CTNNA2: variants seen among roughly 807,000 people sequenced by gnomAD.
The protein encoded by CTNNA2 is catenin alpha 2, also known as catenin alpha-2.
In CTNNA2, 42 loss-of-function variants were observed where a neutral mutation model predicts 101.0. The observed-to-expected ratio is 0.42, with a 90% CI of 0.32 to 0.54. The LOEUF (loss-of-function observed/expected upper bound fraction) is 0.54, where lower values mean the gene tolerates loss of function less well. Among genes scored for constraint, CTNNA2 ranks in the 20% least tolerant of loss-of-function variants. CTNNA2 has a pLI of 0.14. For missense variants in CTNNA2, 871 were observed against 1,223.1 expected (o/e 0.71, Z 4.29); for synonymous variants, 450 against 456.4 (o/e 0.99, Z 0.18).
At chr2:79,190,696 G>T (rs971403808) in intron 1 of CTNNA2, among the ~76,000 whole-genome samples, 9 of 152,206 alleles carry the variant, frequency 5.9e-5, no homozygotes, top group African/African-American at 2.2e-4. Flanking sequence ...GCTTGACGGG[G>T]CACCAGTGAG....
At chr2:80,351,549 A>C (rs1199333194) in intron 7 of CTNNA2, among the ~76,000 whole-genome samples, 1 of 152,154 alleles carries the variant, frequency 6.6e-6, no homozygotes, top group Non-Finnish European at 1.5e-5. Context: ...TTTTTAGAGC[A>C]ATCAGTTTAA....
chr2:80,230,030 T>A (rs1709103459), intron 7 of CTNNA2, among the ~76,000 whole-genome samples: 1 of 152,106 alleles, frequency 6.6e-6, no homozygotes, highest in African/African-American at 2.4e-5. Context: ...TGCCTACAAT[T>A]TTCAGTTGAA....
At chr2:79,563,437 T>A (rs1558733169) in intron 1 of CTNNA2, among the ~76,000 whole-genome samples, 1 of 152,012 alleles carries the variant, frequency 6.6e-6, no homozygotes, top group Non-Finnish European at 1.5e-5. Context: ...AGTTAGTTGT[T>A]TCTCTTTCAG....
chr2:79,583,630 T>G lies in CTNNA2; in HGVS notation c.-5-67922T>G, dbSNP rs1676285513. ...TGTTTTCCAGGGTGGCTATGTCATT[T>G]TGCATCTCCAAAGCCATATACGATC... On this transcript the variant is annotated intron_variant, in intron 1 of 18. Coordinates refer to ENST00000402739, the MANE Select transcript of CTNNA2 (RefSeq NM_001282597.3). Among the ~76,000 whole-genome samples the G allele has an allele frequency of 2.0e-5, 3 of 152,164 alleles. No homozygotes were observed. In the South Asian group the frequency reaches 6.2e-4, roughly 32 times the overall value.
chr2:80,259,055 C>T (rs1231758294), intron 7 of CTNNA2, among the ~76,000 whole-genome samples: 2 of 152,084 alleles, frequency 1.3e-5, no homozygotes, highest in Admixed American at 1.3e-4. Flanking sequence ...GTTTCTGAAA[C>T]CCTGTCCCAG....
At chr2:79,242,987 T>TACAC (rs1409038168) in intron 2 of CTNNA2, among the ~76,000 whole-genome samples, 1 of 54,400 alleles carries the variant, frequency 1.8e-5, no homozygotes, top group Non-Finnish European at 4.7e-5. Flanking sequence ...TATATATATA[T>TACAC]ATATATACAC....
chr2:80,210,062 G>A (rs1707789856), intron 7 of CTNNA2, among the ~76,000 whole-genome samples: 1 of 152,114 alleles, frequency 6.6e-6, no homozygotes, highest in South Asian at 2.1e-4. Context: ...TAGGATCCTA[G>A]TCATATATGT....
intron 1 of CTNNA2, among the ~76,000 whole-genome samples, chr2:79,600,570 T>C (rs1677487250): frequency 6.6e-6 from 1 of 152,162 alleles, no homozygotes; most frequent in Admixed American, 6.5e-5. Flanking sequence ...TATAAATGTA[T>C]AAATTATGTT....
chr2:80,488,369 C>T (rs988219443), intron 9 of CTNNA2, among the ~76,000 whole-genome samples: 3 of 151,976 alleles, frequency 2.0e-5, no homozygotes, highest in African/African-American at 7.3e-5. Context: ...TTCACTAGCA[C>T]TTCTATTTGG....
chr2:80,052,544 G>A lies in CTNNA2; in HGVS notation c.1056+142747G>A, dbSNP rs79196517. On this transcript the variant is annotated intron_variant, in intron 7 of 18. Coordinates refer to ENST00000402739, the MANE Select transcript of CTNNA2 (RefSeq NM_001282597.3). ...GCCAGTTGAAATTGCAGATTGCAATGCATGCATTTGAAAACTTTCTATAAA... is the reference window on the plus strand; with the variant it reads ...GCCAGTTGAAATTGCAGATTGCAATACATGCATTTGAAAACTTTCTATAAA... Among the ~76,000 whole-genome samples, 148 of 152,340 alleles carry A rather than the reference G, an allele frequency of 9.7e-4. 5 individuals carry two copies. The South Asian group carries it at 0.028, about 29-fold the overall frequency.
intron 7 of CTNNA2, among the ~76,000 whole-genome samples, chr2:79,994,570 G>A (rs1692411150): frequency 6.6e-6 from 1 of 151,750 alleles, no homozygotes; most frequent in Admixed American, 6.6e-5. Flanking sequence ...GCACTGCTAG[G>A]TTTTCTTCTG....
At chr2:80,606,735 G>T (rs1049039334) in intron 16 of CTNNA2, among the ~76,000 whole-genome samples, 2 of 151,820 alleles carry the variant, frequency 1.3e-5, no homozygotes, top group Non-Finnish European at 2.9e-5. Flanking sequence ...CATTTATTTT[G>T]CCGGAAAATA....
intron 17 of CTNNA2, among the ~76,000 whole-genome samples, chr2:80,613,778 C>G (rs1389474639): frequency 2.0e-5 from 3 of 151,436 alleles, no homozygotes; most frequent in Non-Finnish European, 4.4e-5. Context: ...GCAAATCAAG[C>G]AAATAACTCT....
At chr2:80,056,076 C>T (rs1194460533) in intron 7 of CTNNA2, among the ~76,000 whole-genome samples, 1 of 152,204 alleles carries the variant, frequency 6.6e-6, no homozygotes, top group African/African-American at 2.4e-5. Flanking sequence ...TGGGTCACAG[C>T]TGCTATGAGT....
intron 2 of CTNNA2, among the ~76,000 whole-genome samples, chr2:79,671,551 G>C (rs977186714): frequency 6.6e-6 from 1 of 152,198 alleles, no homozygotes; most frequent in African/African-American, 2.4e-5. Flanking sequence ...CAAGACTAAG[G>C]CTTGAACATG....
rs1558891214 is a variant in CTNNA2, at chr2:79,744,600, A to G, written c.298+18A>G. 1 of 1,610,436 alleles carries G rather than the reference A, an allele frequency of 6.2e-7. No individual in the cohort carries two copies. The highest frequency in any genetic ancestry group is 2.2e-5 in the East Asian group (1 of 44,804). ...CAAACAAGGTAGGCAGAATGATATT[A>G]TTGTTCAAGGCGGATCTATACTGAT... is the stretch of plus-strand genomic sequence containing the variant. On this transcript the variant is annotated intron_variant, in intron 3 of 18. Coordinates refer to ENST00000402739, the MANE Select transcript of CTNNA2 (RefSeq NM_001282597.3).
chr2:79,618,130 G>A (rs369831336), intron 1 of CTNNA2, among the ~76,000 whole-genome samples: 6 of 152,176 alleles, frequency 3.9e-5, no homozygotes, highest in Non-Finnish European at 7.3e-5. Flanking sequence ...CATGTGCCAA[G>A]GCTGGGCACC....
At chr2:80,178,851 G>T (rs966103855) in intron 7 of CTNNA2, among the ~76,000 whole-genome samples, 1 of 152,162 alleles carries the variant, frequency 6.6e-6, no homozygotes. Context: ...GAAGTAGAAG[G>T]TCCCTGAATT....
intron 3 of CTNNA2, among the ~76,000 whole-genome samples, chr2:79,755,164 A>G (rs1458667952): frequency 1.3e-5 from 2 of 152,044 alleles, no homozygotes; most frequent in Non-Finnish European, 2.9e-5. Flanking sequence ...CATCTCTACA[A>G]AAAATAAAAT....
Sources: gnomAD v4.1 joint callset for allele counts (sites outside exome capture counted in the v4.1 genomes callset) on GRCh38, gnomAD v4.1.1 for gene constraint, MANE v1.5 for transcripts, NCBI Gene and HGNC (gene_info 2026-07-23, HGNC 2026-07-21) for gene names.